Variants in CCT5 observed in about 807,000 individuals in gnomAD.
CCT5 encodes the protein T-complex protein 1 subunit epsilon.
Under a neutral mutation model 55.0 loss-of-function variants are expected in CCT5, and 6 were observed. That is an observed-to-expected ratio of 0.11 (90% CI 0.06 to 0.22). The LOEUF (loss-of-function observed/expected upper bound fraction) is 0.22. Ranked by LOEUF, CCT5 falls within the 10% of genes least tolerant of loss-of-function variation. The pLI, the probability that CCT5 is intolerant of heterozygous loss-of-function variation, is 1.00. For synonymous variants in CCT5, 231 were observed against 243.7 expected (o/e 0.95, Z 0.49); for missense variants, 560 against 694.6 (o/e 0.81, Z 2.18).
chr5:10,257,971 G>T, intron 4 of CCT5, 140 bp from the exon 5 acceptor site: 1 of 849,296 alleles, frequency 1.2e-6, no homozygotes. Flanking sequence ...TGTTGAAAAT[G>T]CAGGTTGAGA....
chr5:10,261,909 T>C, intron 8 of CCT5, 164 bp downstream of exon 8: 2 of 713,628 alleles, frequency 2.8e-6, no homozygotes, highest in East Asian at 2.8e-5. Context: ...CCATGTTAAA[T>C]TGTTAATTTC....
rs758504808 is a variant in CCT5 at position 10,258,255 on chromosome 5, T to A, written c.675T>A (p.Ile225=). 3 of 1,614,202 alleles carry A rather than the reference T, an allele frequency of 1.9e-6. No homozygotes were observed. The highest frequency in any genetic ancestry group is 2.2e-5 in the South Asian group (2 of 91,084). Residue 225 remains isoleucine, a synonymous_variant, in exon 5 of 11, where the codon ATT becomes ATA. Coordinates refer to ENST00000280326, the MANE Select transcript of CCT5 (RefSeq NM_012073.5). ...GCAGGCTGGAGGACACTAAACTGAT[T>A]AAGGGCGTGATTGTGGACAAGGATT... ...VGGRLEDTKL[I]KGVIVDKDFS...
chr5:10,263,140 A>G lies in CCT5; in HGVS notation c.1324A>G (p.Thr442Ala), dbSNP rs759193876. The G allele has an allele frequency of 6.2e-6, 10 of 1,614,116 alleles. No homozygotes were observed. In the Admixed American group the frequency reaches 1.5e-4, roughly 24 times the overall value. Residue 442 changes from threonine to alanine, a missense_variant, in exon 10 of 11, where the codon ACC (threonine) becomes GCC (alanine). By Grantham distance (58) the Thr-to-Ala change is moderately conservative. This residue lies in a region of CCT5 where 256 missense variants were observed against 372.4 expected (regional missense o/e 0.69). Transcript: ENST00000280326. ...TACTTCTGTACCTTTCCAGTGCCCC[A>G]CCTTAGAACAGTATGCCATGAGAGC... Reference protein sequence around the residue: ...AVSQEADKCPTLEQYAMRAFA... With the variant: ...AVSQEADKCPALEQYAMRAFA...
chr5:10,262,997 C>T (rs200122374), intron 9 of CCT5, 137 bp from the exon 10 acceptor site: 6 of 761,992 alleles, frequency 7.9e-6, no homozygotes, highest in South Asian at 7.3e-5. Flanking sequence ...CTGATAGATA[C>T]AAAAATAAAG....
chr5:10,252,738 A>G (rs895861638), intron 1 of CCT5, among the ~76,000 whole-genome samples: 1 of 152,154 alleles, frequency 6.6e-6, no homozygotes. Flanking sequence ...TGTTTTATCC[A>G]TAATATGTAT....
In CCT5 at chr5:10,265,002, CTG is replaced by C. The variant is rs766924578; in HGVS notation, c.*221_*222del. 148 of 535,114 alleles carry C rather than the reference CTG, an allele frequency of 2.8e-4. No individual in the cohort carries two copies. The highest frequency in any genetic ancestry group is 4.3e-4 in the Non-Finnish European group (132 of 304,508). The allele number at this position is 535,114 out of a possible 1,614,324, so 33.1% of individuals were successfully genotyped here. ...TTTGTATTCATTGTATTAAAAGAAT[CTG>C]TTTAAACAACCTTTATCTTCTCTTC... On this transcript the variant is annotated 3_prime_UTR_variant, in exon 11 of 11. Transcript: ENST00000280326.
Position 10,263,197 on chromosome 5 carries a change from G to T in CCT5, c.1381G>T (p.Ala461Ser), listed in dbSNP as rs756076307. Reference sequence around the variant, plus strand: ...CGACGCACTGGAGGTCATCCCCATGGCCCTCTCTGAAAACAGTGGCATGAA... The same window carrying T: ...CGACGCACTGGAGGTCATCCCCATGTCCCTCTCTGAAAACAGTGGCATGAA... ...FADALEVIPM[A>S]LSENSGMNPI... Residue 461 changes from alanine (A) to serine (S), a missense_variant, in exon 10 of 11, where the codon GCC becomes TCC. By Grantham distance (99) the Ala-to-Ser change is moderately conservative. Coordinates refer to ENST00000280326, the MANE Select transcript of CCT5 (RefSeq NM_012073.5). 1.2e-6 allele frequency: 2 copies of T among 1,614,036 alleles called. No homozygotes were observed. Among genetic ancestry groups the T allele is most frequent in the Non-Finnish European group, 8.5e-7 (1 of 1,179,996 alleles).
chr5:10,255,616 T>C (rs1745634116), intron 3 of CCT5, among the ~76,000 whole-genome samples: 1 of 151,962 alleles, frequency 6.6e-6, no homozygotes, highest in Non-Finnish European at 1.5e-5. Flanking sequence ...TTTAGTCTCA[T>C]CACCAGGCTG....
chr5:10,250,577 G>C (rs1745333777), intron 1 of CCT5, 132 bp downstream of exon 1: 2 of 1,497,286 alleles, frequency 1.3e-6, no homozygotes, highest in Admixed American at 4.4e-5. Context: ...GTCTCCCTGC[G>C]GTCTCCGGCC....
chr5:10,255,279 G>A (rs114287709), intron 3 of CCT5, among the ~76,000 whole-genome samples: 45 of 152,274 alleles, frequency 3.0e-4, no homozygotes, highest in Admixed American at 5.2e-4. Flanking sequence ...TTCTCAAATA[G>A]TTGAACAGAA....
chr5:10,253,947 T>C (rs971519296), intron 1 of CCT5, among the ~76,000 whole-genome samples, 198 bp from the exon 2 acceptor site: 3 of 152,286 alleles, frequency 2.0e-5, no homozygotes, highest in South Asian at 2.1e-4. Flanking sequence ...CTTGGTTCTC[T>C]TTCTTTACGT....
Position 10,260,885 on chromosome 5 carries a change from C to T in CCT5, c.967C>T (p.Arg323Cys). The T allele has an allele frequency of 1.9e-6, 3 of 1,614,088 alleles. No individual in the cohort carries two copies. Among genetic ancestry groups the T allele is most frequent in the Admixed American group, 1.7e-5 (1 of 60,022 alleles). The change falls in exon 7 of 11, where the codon CGC becomes TGC. Residue 323 changes from arginine to cysteine, a missense_variant. Physicochemically the swap from Arg to Cys is radical, Grantham distance 180. This residue lies in a region of CCT5 where 256 missense variants were observed against 372.4 expected (regional missense o/e 0.69). Coordinates refer to ENST00000280326, the MANE Select transcript of CCT5 (RefSeq NM_012073.5). ...TCTTCAGAACAACTTGCCTGCGGTTCGCTGGGTAGGAGGACCTGAAATTGA... is the reference window on the plus strand; with the variant it reads ...TCTTCAGAACAACTTGCCTGCGGTTTGCTGGGTAGGAGGACCTGAAATTGA... ...LLLQNNLPAV[R>C]WVGGPEIELI...
In CCT5 at chr5:10,264,887, CTG is replaced by C; in HGVS notation, c.*106_*107del. ...TTATTGTTACATCCTTTTCCAGACA[CTG>C]TAGATGCTATAATAAAAATAGCTGT... On this transcript the variant is annotated 3_prime_UTR_variant, in exon 11 of 11. Transcript: ENST00000280326. 7.0e-7 allele frequency: 1 copy of C among 1,422,990 alleles called. No homozygotes were observed. Among genetic ancestry groups the C allele is most frequent in the Non-Finnish European group, 9.8e-7 (1 of 1,024,720 alleles). The allele number at this position is 1,422,990 out of a possible 1,614,324, so 88.1% of individuals were successfully genotyped here.
At chr5:10,250,609 C>T in intron 1 of CCT5, 164 bp downstream of exon 1, 2 of 1,449,472 alleles carry the variant, frequency 1.4e-6, no homozygotes, top group South Asian at 1.4e-5. Flanking sequence ...TTACTGAGCT[C>T]GGGAGACGCC....
At chr5:10,262,410 G>T in intron 8 of CCT5, 71 bp from the exon 9 acceptor site, 1 of 1,537,146 alleles carries the variant, frequency 6.5e-7, no homozygotes, top group South Asian at 1.1e-5. Flanking sequence ...TCTTTAAAAA[G>T]GTGCCAGATA....
intron 1 of CCT5, among the ~76,000 whole-genome samples, chr5:10,252,862 G>A (rs1467392313): frequency 1.3e-5 from 2 of 151,812 alleles, no homozygotes; most frequent in South Asian, 2.1e-4. Flanking sequence ...TCGGGATTTC[G>A]GGATCTCTCC....
chr5:10,264,089 A>G (rs1320902961), intron 10 of CCT5, among the ~76,000 whole-genome samples: 2 of 146,746 alleles, frequency 1.4e-5, no homozygotes, highest in African/African-American at 5.1e-5. Flanking sequence ...CCTGACCAAC[A>G]TGGTGAAACA....
At chr5:10,259,750 G>A (rs75262663) in intron 6 of CCT5, among the ~76,000 whole-genome samples, 2,592 of 152,334 alleles carry the variant, frequency 0.017, 71 homozygotes, top group African/African-American at 0.058. Context: ...CATCTGGGCC[G>A]GTGGGACAGT....
intron 3 of CCT5, among the ~76,000 whole-genome samples, 186 bp from the exon 4 acceptor site, chr5:10,255,769 A>G (rs923411351): frequency 6.6e-6 from 1 of 152,228 alleles, no homozygotes; most frequent in African/African-American, 2.4e-5. Context: ...CACATGTCCT[A>G]TTCGACCTTC....
Sources: allele counts gnomAD v4.1 joint callset (sites outside exome capture counted in the v4.1 genomes callset), GRCh38; gene constraint gnomAD v4.1.1; regional missense constraint gnomAD v4.1.1; transcripts MANE v1.5; gene names NCBI Gene and HGNC (gene_info 2026-07-23, HGNC 2026-07-21).